Variants in PLA2G7 observed in about 807,000 individuals in gnomAD.
PLA2G7 encodes platelet-activating factor acetylhydrolase.
PLA2G7 carries 63 observed loss-of-function variants against 49.6 expected under a neutral mutation model. The ratio of observed to expected loss-of-function variants is 1.27; its 90% CI spans 1.04 to 1.57. PLA2G7 has a LOEUF of 1.57. Ranked by LOEUF, PLA2G7 falls within the 40% of genes most tolerant of loss-of-function variation. The probability of loss-of-function intolerance (pLI) is 0.00; values close to 1 mark genes in which losing one functional copy is unlikely to be tolerated. For synonymous variants in PLA2G7, 193 were observed against 169.9 expected, an observed-to-expected ratio of 1.14 and a Z score of -1.06; for missense variants, 596 against 521.2, an observed-to-expected ratio of 1.14 and a Z score of -1.40.
intron 5 of PLA2G7, 117 bp from the exon 6 acceptor site, chr6:46,712,454 G>C (rs2150696980): frequency 1.3e-6 from 1 of 742,860 alleles, no homozygotes; most frequent in South Asian, 1.4e-5. Context: ...CCCTGGGGTG[G>C]AGTGGAGAGC....
Position 46,717,106 on chromosome 6 carries a change from A to T in PLA2G7, c.110-10T>A, listed in dbSNP as rs149088614. 1.2e-6 allele frequency: 2 copies of T among 1,610,898 alleles called. No individual in the cohort carries two copies. Among genetic ancestry groups the T allele is most frequent in the Non-Finnish European group, 1.7e-6 (2 of 1,177,066 alleles). ...ATTTTGTTGACCCATGCTGAAAAAC[A>T]GGTAAATATTATCTCATTTGTCATC... On this transcript the variant is annotated splice_polypyrimidine_tract_variant and intron_variant, in intron 2 of 11. Coordinates refer to ENST00000274793, the MANE Select transcript of PLA2G7 (RefSeq NM_005084.4).
At chr6:46,710,523 A>G (rs1764976731) in intron 8 of PLA2G7, 22 bp downstream of exon 8, 1 of 1,414,250 alleles carries the variant, frequency 7.1e-7, no homozygotes, top group Non-Finnish European at 1.0e-6. Context: ...GGACAAGAGA[A>G]AAATTACTTT....
Position 46,714,499 on chromosome 6 carries a change from T to C in PLA2G7, c.431A>G (p.Tyr144Cys). The C allele has an allele frequency of 6.2e-7, 1 of 1,612,882 alleles. No homozygotes were observed. Among genetic ancestry groups the C allele is most frequent in the Non-Finnish European group, 8.5e-7 (1 of 1,179,066 alleles). Residue 144 changes from tyrosine (Y) to cysteine (C), a missense_variant, in exon 5 of 12, where the codon TAT becomes TGT. Tyr to Cys is a radical substitution (Grantham distance 194). Coordinates refer to ENST00000274793, the MANE Select transcript of PLA2G7 (RefSeq NM_005084.4). ...WNSPLRPGEK[Y>C]PLVVFSHGLG... Reference sequence around the variant, plus strand: ...ACCATGAGAAAAAACAACAAGTGGATATTTTTCACCAGGCCTCAGAGGGGA... The same window carrying C: ...ACCATGAGAAAAAACAACAAGTGGACATTTTTCACCAGGCCTCAGAGGGGA...
At chr6:46,725,855 G>C (rs1049978618) in intron 1 of PLA2G7, among the ~76,000 whole-genome samples, 1 of 152,160 alleles carries the variant, frequency 6.6e-6, no homozygotes, top group Admixed American at 6.5e-5. Flanking sequence ...ATTCCCCTTG[G>C]ACCTCTGAAG....
intron 2 of PLA2G7, among the ~76,000 whole-genome samples, chr6:46,721,465 T>G (rs1765397368): frequency 6.6e-6 from 1 of 152,104 alleles, no homozygotes; most frequent in Admixed American, 6.6e-5. Context: ...GCCTTCCAAT[T>G]ATTTTTAAAG....
intron 1 of PLA2G7, among the ~76,000 whole-genome samples, chr6:46,729,584 T>C (rs1424361794): frequency 6.6e-6 from 1 of 152,158 alleles, no homozygotes; most frequent in African/African-American, 2.4e-5. Context: ...AGAGGTTAAA[T>C]AACGTGCCCA....
intron 2 of PLA2G7, among the ~76,000 whole-genome samples, chr6:46,718,911 G>C (rs1312940381): frequency 2.0e-5 from 3 of 152,152 alleles, no homozygotes; most frequent in African/African-American, 7.2e-5. Context: ...GTGAAAATAA[G>C]CTCAGTTAAC....
At chr6:46,708,424 C>G (rs892186615) in intron 9 of PLA2G7, among the ~76,000 whole-genome samples, 2 of 152,144 alleles carry the variant, frequency 1.3e-5, no homozygotes, top group Admixed American at 6.5e-5. Flanking sequence ...ATCCTTAAAA[C>G]TTTTTATTCA....
intron 1 of PLA2G7, among the ~76,000 whole-genome samples, chr6:46,732,540 C>CACTT (rs1250727227): frequency 8.5e-5 from 13 of 152,070 alleles, no homozygotes; most frequent in Admixed American, 7.2e-4. Flanking sequence ...CAGTACCTGG[C>CACTT]ACTTAGGATC....
chr6:46,712,544 T>G (rs1275175877), intron 5 of PLA2G7, among the ~76,000 whole-genome samples: 4 of 152,176 alleles, frequency 2.6e-5, no homozygotes, highest in East Asian at 1.9e-4. Context: ...ATCATGAATG[T>G]GGGCGAGGGT....
In PLA2G7 at chr6:46,704,462, TCTCTCTCTCTCTCTCTCACACA is replaced by T. The variant is rs1383634786; in HGVS notation, c.*76_*97del. 257 of 616,674 alleles carry T rather than the reference TCTCTCTCTCTCTCTCTCACACA, an allele frequency of 4.2e-4. 1 individual carries two copies. Among genetic ancestry groups the T allele is most frequent in the African/African-American group, 1.5e-3 (42 of 28,902 alleles). 38.2% of individuals were successfully genotyped at this position (616,674 alleles called of 1,614,324 possible). A position where few individuals can be genotyped will look rare whatever the true frequency, so the allele number is the denominator to read the frequency against. On this transcript the variant is annotated 3_prime_UTR_variant, in exon 12 of 12. Transcript: ENST00000274793. ...AAAATTCTCTCTCTCTCTCTCTCTC[TCTCTCTCTCTCTCTCTCACACA>T]CACACACACACACACACACACACAC...
At chr6:46,724,264 T>C (rs1189086061) in intron 1 of PLA2G7, among the ~76,000 whole-genome samples, 3 of 152,220 alleles carry the variant, frequency 2.0e-5, no homozygotes, top group Admixed American at 1.3e-4. Context: ...TTTATCACCT[T>C]CCACTAAAAA....
chr6:46,709,553 A>G (rs1240175015), intron 8 of PLA2G7, 135 bp from the exon 9 acceptor site: 2 of 657,700 alleles, frequency 3.0e-6, no homozygotes, highest in African/African-American at 1.8e-5. Flanking sequence ...ATATACATAT[A>G]CACACATACA....
intron 5 of PLA2G7, among the ~76,000 whole-genome samples, chr6:46,714,223 T>C (rs1765122134): frequency 6.6e-6 from 1 of 152,070 alleles, no homozygotes; most frequent in Non-Finnish European, 1.5e-5. Context: ...CTATAGAAAA[T>C]GCAACACCCT....
At chr6:46,722,203 A>G (rs191420717) in intron 2 of PLA2G7, among the ~76,000 whole-genome samples, 124 of 152,306 alleles carry the variant, frequency 8.1e-4, no homozygotes, top group African/African-American at 3.0e-3. Flanking sequence ...GGCAAGAAAG[A>G]ATGAGTGATC....
chr6:46,722,440 A>G (rs1765428792), intron 2 of PLA2G7, among the ~76,000 whole-genome samples: 1 of 152,158 alleles, frequency 6.6e-6, no homozygotes, highest in Non-Finnish European at 1.5e-5. Context: ...GACCAGTTGC[A>G]TTACTATGCT....
chr6:46,709,676 C>T (rs983585682), intron 8 of PLA2G7, among the ~76,000 whole-genome samples: 2 of 151,964 alleles, frequency 1.3e-5, no homozygotes, highest in African/African-American at 4.8e-5. Context: ...TTGTAGTCAC[C>T]CACACTGGAA....
At chr6:46,734,359 G>A (rs1455078816) in intron 1 of PLA2G7, among the ~76,000 whole-genome samples, 1 of 150,184 alleles carries the variant, frequency 6.7e-6, no homozygotes. Flanking sequence ...GAGAGAGAGC[G>A]GAGGGAGAGA....
At chr6:46,734,114 G>C (rs971334326) in intron 1 of PLA2G7, among the ~76,000 whole-genome samples, 1 of 152,118 alleles carries the variant, frequency 6.6e-6, no homozygotes, top group Non-Finnish European at 1.5e-5. Context: ...TCCAGGAGAT[G>C]ATGAGGAAGA....
Sources: gnomAD v4.1 joint callset for allele counts (sites outside exome capture counted in the v4.1 genomes callset) on GRCh38, gnomAD v4.1.1 for gene constraint, MANE v1.5 for transcripts, NCBI Gene and HGNC (gene_info 2026-07-23, HGNC 2026-07-21) for gene names.